Variants in ST14 observed in about 807,000 individuals in gnomAD.
ST14 encodes ST14 transmembrane serine protease matriptase.
Under a neutral mutation model 96.5 loss-of-function variants are expected in ST14, and 40 were observed. That is an observed-to-expected ratio of 0.41 (90% CI 0.32 to 0.54). ST14 has a LOEUF of 0.54. ST14 is among the 20% of genes least tolerant of loss of function. The pLI is 0.17. For missense variants in ST14, 1,066 were observed against 1,188.9 expected (o/e 0.90, Z 1.52); for synonymous variants, 506 against 492.1 (o/e 1.03, Z -0.37).
At chr11:130,163,290 C>A (rs1450679608) in intron 1 of ST14, among the ~76,000 whole-genome samples, 1 of 152,224 alleles carries the variant, frequency 6.6e-6, no homozygotes, top group Admixed American at 6.5e-5. Flanking sequence ...TTCTGATTTT[C>A]ATTCCCCTGC....
At chr11:130,199,091 G>T in intron 15 of ST14, 22 bp downstream of exon 15, 1 of 1,608,162 alleles carries the variant, frequency 6.2e-7, no homozygotes, top group South Asian at 1.1e-5. Context: ...ATCCGAGTAC[G>T]GTTGTGCAGG....
At chr11:130,161,491 G>A (rs1286772424) in intron 1 of ST14, among the ~76,000 whole-genome samples, 1 of 152,200 alleles carries the variant, frequency 6.6e-6, no homozygotes, top group Non-Finnish European at 1.5e-5. Context: ...CCCACACGGG[G>A]AAAGCAGGGT....
At position 130,188,090 on chromosome 11, in the gene ST14, G is replaced by T; in HGVS notation, c.82-24G>T. On this transcript the variant is annotated intron_variant, in intron 1 of 18. Coordinates refer to ENST00000278742, the MANE Select transcript of ST14 (RefSeq NM_021978.4). This position sits in a 1 kb window ranked among gnomAD's most constrained non-coding sequence, Gnocchi z 5.4. ...GGGAAGAGCGGGTGAGAGGGTCTGA[G>T]TGGTGGCGCCTCTCTCCCTGCAGAA... 6.2e-7 allele frequency: 1 copy of T among 1,613,738 alleles called. No individual in the cohort carries two copies. The highest frequency in any genetic ancestry group is 1.3e-5 in the African/African-American group (1 of 75,040).
chr11:130,182,610 G>A (rs1174944755), intron 1 of ST14, among the ~76,000 whole-genome samples: 3 of 149,864 alleles, frequency 2.0e-5, no homozygotes, highest in African/African-American at 7.4e-5. Flanking sequence ...GCCTTTCACA[G>A]TGCAAGTGTG....
At chr11:130,193,262 G>T (rs1375601833) in intron 7 of ST14, among the ~76,000 whole-genome samples, 5 of 151,902 alleles carry the variant, frequency 3.3e-5, no homozygotes, top group African/African-American at 1.2e-4. Flanking sequence ...TAGTTTTTTT[G>T]ATTATGGAGA....
intron 1 of ST14, among the ~76,000 whole-genome samples, chr11:130,165,705 G>C (rs990604771): frequency 1.3e-5 from 2 of 152,158 alleles, no homozygotes; most frequent in South Asian, 2.1e-4. Context: ...TGTGATGACA[G>C]TTATTTCTAC....
Position 130,171,993 on chromosome 11 carries a change from G to C in ST14, c.81+11933G>C, listed in dbSNP as rs527542470. 2.6e-5 allele frequency among the ~76,000 whole-genome samples: 4 copies of C among 152,356 alleles called. No individual in the cohort carries two copies. The East Asian group carries it at 7.7e-4, about 29-fold the overall frequency. ...TGGGGAAGAGTTTCTGATGTTGGCA[G>C]AGGCTTCGCTGGCAGATGCTAGGTG... On this transcript the variant is annotated intron_variant, in intron 1 of 18. Coordinates refer to ENST00000278742, the MANE Select transcript of ST14 (RefSeq NM_021978.4).
intron 1 of ST14, among the ~76,000 whole-genome samples, chr11:130,176,520 C>G (rs1953140129): frequency 6.6e-6 from 1 of 152,036 alleles, no homozygotes; most frequent in African/African-American, 2.4e-5. Context: ...TCCCGAGTAG[C>G]TGGGACTACA....
chr11:130,194,499 T>C, intron 8 of ST14, 141 bp from the exon 9 acceptor site: 1 of 1,120,282 alleles, frequency 8.9e-7, no homozygotes, highest in Non-Finnish European at 1.3e-6. Flanking sequence ...ACCCGGCACC[T>C]GGCCTTCCTG....
At chr11:130,204,066 G>A (rs942559442) in intron 16 of ST14, among the ~76,000 whole-genome samples, 6 of 152,194 alleles carry the variant, frequency 3.9e-5, no homozygotes, top group Non-Finnish European at 5.9e-5. Context: ...CGGACTCCCA[G>A]CCCATCCTCT....
chr11:130,200,703 C>T (rs112973240), intron 16 of ST14, among the ~76,000 whole-genome samples: 1,729 of 152,334 alleles, frequency 0.011, 11 homozygotes, highest in Non-Finnish European at 0.018. Context: ...TCACTGTATT[C>T]GGTGCCCACT....
In ST14 at chr11:130,188,436, C is replaced by A; in HGVS notation, c.242-94C>A. On this transcript the variant is annotated intron_variant, in intron 2 of 18. Transcript: ENST00000278742. The surrounding 1 kb of genome is among the most constrained non-coding windows in gnomAD (Gnocchi z 5.4). ...GGAAGCAGTCAGGGCTGACCCATGG[C>A]CCCCTCCTGGCATTCATTCCCCATT... 1 of 1,603,320 alleles carries A rather than the reference C, an allele frequency of 6.2e-7. No individual in the cohort carries two copies. The highest frequency in any genetic ancestry group is 8.5e-7 in the Non-Finnish European group (1 of 1,175,502).
rs140853902 is a variant in ST14 at position 130,189,979 on chromosome 11, C to T, written c.598+83C>T. 3.8e-3 allele frequency: 6,086 copies of T among 1,610,298 alleles called. 24 individuals carry two copies. The highest frequency in any genetic ancestry group is 0.03 in the Middle Eastern group (180 of 5,976). ...TGGGCCCTGGACCATTGCAGGGGAC[C>T]GGCACTCCCAGGGCCCAGTGCCCCA... is the stretch of plus-strand genomic sequence containing the variant. On this transcript the variant is annotated intron_variant, in intron 5 of 18. Coordinates refer to ENST00000278742, the MANE Select transcript of ST14 (RefSeq NM_021978.4).
At chr11:130,165,724 A>G (rs1470124320) in intron 1 of ST14, among the ~76,000 whole-genome samples, 1 of 152,198 alleles carries the variant, frequency 6.6e-6, no homozygotes, top group Non-Finnish European at 1.5e-5. Flanking sequence ...ACCTTTCACT[A>G]AATATCTGCA....
intron 1 of ST14, among the ~76,000 whole-genome samples, chr11:130,165,318 A>G (rs1027543778): frequency 6.6e-6 from 1 of 152,224 alleles, no homozygotes; most frequent in African/African-American, 2.4e-5. Context: ...GGACTAAATT[A>G]TAGAAACCAT....
chr11:130,184,936 C>T (rs879350268), intron 1 of ST14, among the ~76,000 whole-genome samples: 1 of 152,128 alleles, frequency 6.6e-6, no homozygotes, highest in Non-Finnish European at 1.5e-5. Flanking sequence ...TATAGTCTAA[C>T]CATTGGGAGT....
At chr11:130,167,222 T>A (rs1234883923) in intron 1 of ST14, among the ~76,000 whole-genome samples, 1 of 152,154 alleles carries the variant, frequency 6.6e-6, no homozygotes, top group African/African-American at 2.4e-5. Context: ...AAAAAAATTT[T>A]TTTTAATAAA....
At chr11:130,163,862 G>A (rs779906194) in intron 1 of ST14, among the ~76,000 whole-genome samples, 8 of 152,180 alleles carry the variant, frequency 5.3e-5, no homozygotes, top group Non-Finnish European at 1.2e-4. Flanking sequence ...ATGGTCAGAG[G>A]GTGGACCTGC....
rs984480412 is a variant in ST14 at position 130,187,336 on chromosome 11, C to T, written c.82-778C>T. 6.6e-6 allele frequency among the ~76,000 whole-genome samples: 1 copy of T among 152,162 alleles called. No homozygotes were observed. Among genetic ancestry groups the T allele is most frequent in the Non-Finnish European group, 1.5e-5 (1 of 68,026 alleles). ...CCACCTGCCCCTCCGTATTCTGGCC[C>T]CTCATCATGGATACCCTTGGCAGGG... On this transcript the variant is annotated intron_variant, in intron 1 of 18. Coordinates refer to ENST00000278742, the MANE Select transcript of ST14 (RefSeq NM_021978.4). This position sits in a 1 kb window ranked among gnomAD's most constrained non-coding sequence, Gnocchi z 4.5.
Sources: allele counts gnomAD v4.1 joint callset (sites outside exome capture counted in the v4.1 genomes callset), GRCh38; gene constraint gnomAD v4.1.1; non-coding constraint Gnocchi (gnomAD v3.1); transcripts MANE v1.5; gene names NCBI Gene and HGNC (gene_info 2026-07-23, HGNC 2026-07-21).